ELMOD2: variants seen among roughly 807,000 people sequenced by gnomAD.
ELMOD2 encodes the protein ELMO domain containing 2.
In ELMOD2, 28 loss-of-function variants were observed where a neutral mutation model predicts 41.0. The observed-to-expected ratio is 0.68, with a 90% CI of 0.51 to 0.94. The LOEUF is 0.94. Ranked by LOEUF, ELMOD2 falls within the 40% of genes least tolerant of loss-of-function variation. The pLI is 0.00. For synonymous variants in ELMOD2, 106 were observed against 107.2 expected, an observed-to-expected ratio of 0.99 and a Z score of 0.07; for missense variants, 333 against 343.1, an observed-to-expected ratio of 0.97 and a Z score of 0.23.
At chr4:140,549,642 G>A (rs187101682) in intron 8 of ELMOD2, among the ~76,000 whole-genome samples, 18 of 143,814 alleles carry the variant, frequency 1.3e-4, no homozygotes, top group African/African-American at 2.5e-4. Flanking sequence ...GAAGTTTCTC[G>A]GGAAACTTTT....
chr4:140,543,983 C>A (rs1247255594), intron 8 of ELMOD2, among the ~76,000 whole-genome samples: 1 of 152,008 alleles, frequency 6.6e-6, no homozygotes, highest in Non-Finnish European at 1.5e-5. Flanking sequence ...AGGAACTTTT[C>A]GCCTCCCCCT....
At position 140,535,152 on chromosome 4, in the gene ELMOD2, TC is replaced by T. The variant is rs1427735172; in HGVS notation, c.172-580del. On this transcript the variant is annotated intron_variant, in intron 3 of 8. Transcript: ENST00000323570. ...ATCTGTTTCTTTCTCTCTCTCTCTC[TC>T]TCTCTCTCTCTCTCTCTCTCTCTCG... Among the ~76,000 whole-genome samples, 6 of 144,208 alleles carry T rather than the reference TC, an allele frequency of 4.2e-5. 1 individual carries two copies. Among genetic ancestry groups the T allele is most frequent in the African/African-American group, 1.3e-4 (5 of 37,058 alleles). 94.6% of individuals were successfully genotyped at this position (144,208 alleles called of 152,430 possible). A position where few individuals can be genotyped will look rare whatever the true frequency, so the allele number is the denominator to read the frequency against.
At chr4:140,530,070 T>G (rs967750094) in intron 3 of ELMOD2, among the ~76,000 whole-genome samples, 2 of 152,228 alleles carry the variant, frequency 1.3e-5, no homozygotes, top group African/African-American at 4.8e-5. Flanking sequence ...GAATAATAAG[T>G]AAATGAAAAT....
chr4:140,535,564 A>G, intron 3 of ELMOD2, 169 bp from the exon 4 acceptor site: 1 of 584,758 alleles, frequency 1.7e-6, no homozygotes, highest in Non-Finnish European at 3.0e-6. Context: ...AACTATATAT[A>G]TATATGTGAA....
chr4:140,531,302 G>A (rs144146962), intron 3 of ELMOD2, among the ~76,000 whole-genome samples: 1 of 152,046 alleles, frequency 6.6e-6, no homozygotes, highest in Non-Finnish European at 1.5e-5. Context: ...AATCTTATTT[G>A]CTTATATTTT....
At chr4:140,546,319 C>T (rs1022766068) in intron 8 of ELMOD2, among the ~76,000 whole-genome samples, 1 of 151,578 alleles carries the variant, frequency 6.6e-6, no homozygotes, top group African/African-American at 2.4e-5. Flanking sequence ...GGGAATATCA[C>T]ACACCGGGGC....
chr4:140,524,581 C>G, intron 1 of ELMOD2: 1 of 985,368 alleles, frequency 1.0e-6, no homozygotes, highest in Non-Finnish European at 1.2e-6. Flanking sequence ...ATGATCAACC[C>G]AGCTGTGCTA....
intron 8 of ELMOD2, among the ~76,000 whole-genome samples, chr4:140,543,984 G>T (rs755851686): frequency 6.6e-6 from 1 of 151,970 alleles, no homozygotes; most frequent in Non-Finnish European, 1.5e-5. Flanking sequence ...GGAACTTTTC[G>T]CCTCCCCCTG....
intron 8 of ELMOD2, among the ~76,000 whole-genome samples, chr4:140,544,910 A>G (rs1735224389): frequency 6.6e-6 from 1 of 152,130 alleles, no homozygotes. Flanking sequence ...TGTAGCAGAG[A>G]AGAAGACAAA....
chr4:140,527,570 T>G (rs1662063307), intron 3 of ELMOD2, 76 bp downstream of exon 3: 7 of 1,207,414 alleles, frequency 5.8e-6, no homozygotes, highest in South Asian at 5.6e-5. Context: ...AAAAGTGCCC[T>G]GCTAGAAGAG....
chr4:140,541,288 A>G (rs1439315473), intron 6 of ELMOD2, among the ~76,000 whole-genome samples: 4 of 152,150 alleles, frequency 2.6e-5, no homozygotes, highest in Non-Finnish European at 5.9e-5. Flanking sequence ...CTTACTGTGA[A>G]AAAATCCTGA....
Position 140,537,471 on chromosome 4 carries a change from T to G in ELMOD2, c.329T>G (p.Leu110Trp). The G allele has an allele frequency of 6.3e-7, 1 of 1,583,432 alleles. No individual in the cohort carries two copies. The highest frequency in any genetic ancestry group is 8.6e-7 in the Non-Finnish European group (1 of 1,167,622). ...LQITGYKQLY[L>W]DVESVRKRPY... ...ATAACTGGTTATAAACAGCTGTATT[T>G]GGATGTAGAAAGTGTGAGGAAAAGG... The change falls in exon 5 of 9, where the codon TTG becomes TGG. Residue 110 changes from leucine to tryptophan, a missense_variant. Transcript: ENST00000323570.
intron 4 of ELMOD2, among the ~76,000 whole-genome samples, chr4:140,537,147 C>T (rs890496570): frequency 1.3e-5 from 2 of 152,058 alleles, no homozygotes; most frequent in South Asian, 2.1e-4. Flanking sequence ...ATAGGATTGC[C>T]CAGAGAAAAC....
At chr4:140,524,635 A>G (rs1330149344) in intron 1 of ELMOD2, 1 of 985,392 alleles carries the variant, frequency 1.0e-6, no homozygotes, top group South Asian at 4.7e-5. Flanking sequence ...GAACTTCGAC[A>G]GTCCCTCCTC....
chr4:140,533,025 T>C (rs143218964), intron 3 of ELMOD2, among the ~76,000 whole-genome samples: 66 of 152,318 alleles, frequency 4.3e-4, no homozygotes, highest in African/African-American at 1.5e-3. Flanking sequence ...CAGGGCTAAA[T>C]TTAATGAAAG....
At chr4:140,539,201 AT>A (rs1199425470) in intron 5 of ELMOD2, among the ~76,000 whole-genome samples, 1 of 152,218 alleles carries the variant, frequency 6.6e-6, no homozygotes, top group Non-Finnish European at 1.5e-5. Flanking sequence ...TGGGAAAAAA[AT>A]GAAAGTATTT....
chr4:140,543,349 C>T, intron 7 of ELMOD2, 104 bp from the exon 8 acceptor site: 1 of 1,213,260 alleles, frequency 8.2e-7, no homozygotes, highest in Non-Finnish European at 1.1e-6. Flanking sequence ...AAAATCAATA[C>T]TGTGTTAAAC....
intron 2 of ELMOD2, chr4:140,526,899 T>A (rs2110816293): frequency 6.6e-6 from 1 of 152,460 alleles, no homozygotes; most frequent in Non-Finnish European, 1.5e-5. Context: ...TGAGAAAAGA[T>A]TATTCGTAAA....
At chr4:140,550,173 G>A (rs1304584231) in intron 8 of ELMOD2, 57 bp from the exon 9 acceptor site, 11 of 1,419,816 alleles carry the variant, frequency 7.7e-6, no homozygotes, top group South Asian at 2.4e-5. Context: ...AAGATGAGAC[G>A]GTTTGAATGT....
Sources: allele counts gnomAD v4.1 joint callset (sites outside exome capture counted in the v4.1 genomes callset), GRCh38; gene constraint gnomAD v4.1.1; transcripts MANE v1.5; gene names NCBI Gene and HGNC (gene_info 2026-07-23, HGNC 2026-07-21).